Variants in CD244 observed in about 807,000 individuals in gnomAD.
CD244 encodes the protein natural killer cell receptor 2B4.
Under a neutral mutation model 45.5 loss-of-function variants are expected in CD244, and 20 were observed. The ratio of observed to expected loss-of-function variants is 0.44; its 90% CI spans 0.31 to 0.64. The LOEUF is 0.64. Ranked by LOEUF, CD244 falls within the 30% of genes least tolerant of loss-of-function variation. The pLI is 0.08. For synonymous variants in CD244, 185 were observed against 160.5 expected, an observed-to-expected ratio of 1.15 and a Z score of -1.15; for missense variants, 407 against 426.9, an observed-to-expected ratio of 0.95 and a Z score of 0.41.
chr1:160,862,608 C>A lies in CD244; in HGVS notation c.61+9G>T. On this transcript the variant is annotated intron_variant, in intron 1 of 8. Transcript: ENST00000368034. ...CTCCCTCGCCCCACGCCAGGTAGGA[C>A]CTCCTTACCTTTGCCCTGATACACC... 6.2e-7 allele frequency: 1 copy of A among 1,613,164 alleles called. No individual in the cohort carries two copies. Among genetic ancestry groups the A allele is most frequent in the Non-Finnish European group, 8.5e-7 (1 of 1,179,212 alleles).
chr1:160,845,542 C>G (rs1669700773), intron 1 of CD244, among the ~76,000 whole-genome samples: 2 of 152,150 alleles, frequency 1.3e-5, no homozygotes, highest in African/African-American at 4.8e-5. Flanking sequence ...AAATGTGTTA[C>G]AAACCCCAAG....
chr1:160,854,021 G>T lies in CD244; in HGVS notation c.61+8596C>A, dbSNP rs572965917. Among the ~76,000 whole-genome samples, 8 of 152,236 alleles carry T rather than the reference G, an allele frequency of 5.3e-5. No individual in the cohort carries two copies. In the East Asian group the frequency reaches 1.4e-3, roughly 26 times the overall value. On this transcript the variant is annotated intron_variant, in intron 1 of 8. Transcript: ENST00000368034. ...GTGTATGCAGAAAGGAACAGGGAAG[G>T]TGGGTATTATGGACCCAGCAGTAGC...
intron 7 of CD244, among the ~76,000 whole-genome samples, chr1:160,833,452 G>A (rs904740363): frequency 6.6e-6 from 1 of 152,106 alleles, no homozygotes; most frequent in Non-Finnish European, 1.5e-5. Flanking sequence ...TTCCATACAA[G>A]AGAAAAACAA....
intron 1 of CD244, among the ~76,000 whole-genome samples, chr1:160,854,766 T>G (rs1298528374): frequency 1.3e-5 from 2 of 152,196 alleles, no homozygotes; most frequent in African/African-American, 2.4e-5. Context: ...TTTTAAAAAT[T>G]AGGCCGTTAT....
intron 1 of CD244, among the ~76,000 whole-genome samples, chr1:160,843,606 T>TA (rs1669623050): frequency 6.6e-6 from 1 of 152,178 alleles, no homozygotes; most frequent in African/African-American, 2.4e-5. Flanking sequence ...ATTGTTGAGA[T>TA]AAAAAATCAT....
At chr1:160,845,529 G>C (rs1163333228) in intron 1 of CD244, among the ~76,000 whole-genome samples, 10 of 152,202 alleles carry the variant, frequency 6.6e-5, no homozygotes, top group Non-Finnish European at 1.5e-4. Flanking sequence ...AGATAGATTT[G>C]TAAAATGTGT....
chr1:160,841,036 C>T (rs940159543), intron 3 of CD244, among the ~76,000 whole-genome samples, 174 bp downstream of exon 3: 13 of 152,220 alleles, frequency 8.5e-5, no homozygotes, highest in African/African-American at 3.1e-4. Context: ...GTAGGATAGG[C>T]CTAGCTTTAC....
intron 1 of CD244, among the ~76,000 whole-genome samples, chr1:160,849,473 C>G (rs746832890): frequency 2.6e-5 from 4 of 151,842 alleles, no homozygotes; most frequent in East Asian, 3.9e-4. Context: ...ACTAACAGGC[C>G]CTGGTGTGTG....
chr1:160,847,843 A>G (rs1262103435), intron 1 of CD244, among the ~76,000 whole-genome samples: 1 of 152,216 alleles, frequency 6.6e-6, no homozygotes, highest in African/African-American at 2.4e-5. Flanking sequence ...GAGAAAGGAG[A>G]AAGGAGAAAG....
chr1:160,851,808 G>A (rs182535159), intron 1 of CD244, among the ~76,000 whole-genome samples: 28 of 152,216 alleles, frequency 1.8e-4, no homozygotes, highest in Admixed American at 5.2e-4. Context: ...CTCCCAAAGC[G>A]CTGAGATTAC....
At position 160,849,797 on chromosome 1, in the gene CD244, G is replaced by A. The variant is rs554792492; in HGVS notation, c.62-7896C>T. ...TCCCAGCACTTTGGGCAGCTCACCTGAGGTCAGGAGTTCGAGACCAGCCTG... is the reference window on the plus strand; with the variant it reads ...TCCCAGCACTTTGGGCAGCTCACCTAAGGTCAGGAGTTCGAGACCAGCCTG... On this transcript the variant is annotated intron_variant, in intron 1 of 8. Transcript: ENST00000368034. 5.9e-5 allele frequency among the ~76,000 whole-genome samples: 9 copies of A among 152,296 alleles called. No homozygotes were observed. The South Asian group carries it at 1.9e-3, about 32-fold the overall frequency.
rs1312417843 is a variant in CD244, at chr1:160,830,482, G to A, written c.*865C>T. 2.6e-5 allele frequency: 4 copies of A among 152,368 alleles called. No homozygotes were observed. In the East Asian group the frequency reaches 5.6e-4, roughly 21 times the overall value. 9.4% of individuals were successfully genotyped at this position (152,368 alleles called of 1,614,324 possible). A position where few individuals can be genotyped will look rare whatever the true frequency, so the allele number is the denominator to read the frequency against. Reference sequence around the variant, plus strand: ...CAGCTGCCTGAGCCCTCCCTTCAATGTGCATCCTGGGGAACACTCATCAGG... The same window carrying A: ...CAGCTGCCTGAGCCCTCCCTTCAATATGCATCCTGGGGAACACTCATCAGG... On this transcript the variant is annotated 3_prime_UTR_variant, in exon 9 of 9. Transcript: ENST00000368034.
intron 1 of CD244, among the ~76,000 whole-genome samples, chr1:160,854,641 G>A (rs563078423): frequency 6.6e-5 from 10 of 151,108 alleles, no homozygotes; most frequent in South Asian, 4.2e-4. Flanking sequence ...TAATCCACCC[G>A]TCTCAGCCTC....
chr1:160,848,832 A>G (rs148683296), intron 1 of CD244, among the ~76,000 whole-genome samples: 2 of 151,930 alleles, frequency 1.3e-5, no homozygotes, highest in African/African-American at 4.9e-5. Flanking sequence ...GCCCTATGCC[A>G]TCTCTTCATC....
At chr1:160,833,974 ACACT>A (rs1465974042) in intron 7 of CD244, 73 bp downstream of exon 7, 2 of 1,020,788 alleles carry the variant, frequency 2.0e-6, no homozygotes, top group Non-Finnish European at 3.1e-6. Flanking sequence ...ATGTGCACAC[ACACT>A]CTCACTGCAA....
Position 160,841,197 on chromosome 1 carries a change from G to T in CD244, c.655+13C>A. The T allele has an allele frequency of 6.2e-7, 1 of 1,613,704 alleles. No individual in the cohort carries two copies. The highest frequency in any genetic ancestry group is 8.5e-7 in the Non-Finnish European group (1 of 1,179,628). ...CCTTCAGCGCTTGTTATAGCCCAGT[G>T]TGTTCCACTTACCCTGATGGGCATT... On this transcript the variant is annotated intron_variant, in intron 3 of 8. Coordinates refer to ENST00000368034, the MANE Select transcript of CD244 (RefSeq NM_016382.4).
At chr1:160,834,957 CT>C (rs774286836) in intron 6 of CD244, among the ~76,000 whole-genome samples, 1 of 152,216 alleles carries the variant, frequency 6.6e-6, no homozygotes, top group Non-Finnish European at 1.5e-5. Flanking sequence ...GGACCTCTTT[CT>C]TGCACTGATA....
At chr1:160,832,646 G>A in intron 7 of CD244, 71 bp from the exon 8 acceptor site, 1 of 1,601,274 alleles carries the variant, frequency 6.2e-7, no homozygotes, top group African/African-American at 1.3e-5. Flanking sequence ...TGATGTGAGA[G>A]GTCCCAAAAG....
At chr1:160,836,617 A>G (rs888320727) in intron 5 of CD244, among the ~76,000 whole-genome samples, 4 of 150,302 alleles carry the variant, frequency 2.7e-5, no homozygotes, top group African/African-American at 7.3e-5. Flanking sequence ...GAAAGTTTAA[A>G]CATTTCAAAG....
Sources: gnomAD v4.1 joint callset for allele counts (sites outside exome capture counted in the v4.1 genomes callset) on GRCh38, gnomAD v4.1.1 for gene constraint, MANE v1.5 for transcripts, NCBI Gene and HGNC (gene_info 2026-07-23, HGNC 2026-07-21) for gene names.